Variants in CDH7 observed in about 807,000 individuals in gnomAD.
CDH7 encodes cadherin-7.
Under a neutral mutation model 71.8 loss-of-function variants are expected in CDH7, and 25 were observed. The ratio of observed to expected loss-of-function variants is 0.35; its 90% CI spans 0.25 to 0.49. The LOEUF (loss-of-function observed/expected upper bound fraction) is 0.49. Among genes scored for constraint, CDH7 ranks in the 20% least tolerant of loss-of-function variants. The probability of loss-of-function intolerance (pLI) is 0.99; values close to 1 mark genes in which losing one functional copy is unlikely to be tolerated. For synonymous variants in CDH7, 381 were observed against 363.8 expected (o/e 1.05, Z -0.54); for missense variants, 862 against 974.6 (o/e 0.88, Z 1.54).
rs200638796 is a variant in CDH7 at position 65,854,920 on chromosome 18, C to T, written c.1236-2896C>T. 6.2e-5 allele frequency among the ~76,000 whole-genome samples: 9 copies of T among 145,546 alleles called. No homozygotes were observed. The East Asian group carries it at 7.9e-4, about 13-fold the overall frequency. The stretch of plus-strand genomic sequence containing the variant: ...CGTATGTATGTAGTATATGTGTACA[C>T]ATATATATATATACACACACATATA... On this transcript the variant is annotated intron_variant, in intron 7 of 11. Transcript: ENST00000397968.
In CDH7 at chr18:65,793,100, C is replaced by A. The variant is rs149152141; in HGVS notation, c.211-16604C>A. 3.3e-5 allele frequency among the ~76,000 whole-genome samples: 5 copies of A among 152,156 alleles called. No homozygotes were observed. The East Asian group carries it at 9.7e-4, about 29-fold the overall frequency. On this transcript the variant is annotated intron_variant, in intron 2 of 11. Transcript: ENST00000397968. ...GTGCAGTGGGTGAGTTTCTCACTCT[C>A]CACCCCATGAAGTTTATGAAACATT...
At chr18:65,857,395 T>G (rs1913404402) in intron 7 of CDH7, among the ~76,000 whole-genome samples, 1 of 150,678 alleles carries the variant, frequency 6.6e-6, no homozygotes, top group Non-Finnish European at 1.5e-5. Context: ...ATGCCTCTAG[T>G]CCTAGCTACT....
At chr18:65,816,673 A>G (rs1911734571) in intron 4 of CDH7, among the ~76,000 whole-genome samples, 1 of 152,184 alleles carries the variant, frequency 6.6e-6, no homozygotes, top group Admixed American at 6.5e-5. Context: ...CACTGTTTAC[A>G]GGCTGAATGA....
intron 2 of CDH7, among the ~76,000 whole-genome samples, chr18:65,806,889 A>C (rs1911346397): frequency 6.6e-6 from 1 of 152,178 alleles, no homozygotes; most frequent in African/African-American, 2.4e-5. Context: ...GCCTCAGATA[A>C]TTATGTACCT....
intron 2 of CDH7, among the ~76,000 whole-genome samples, chr18:65,791,523 C>G (rs565490086): frequency 6.6e-6 from 1 of 152,152 alleles, no homozygotes; most frequent in African/African-American, 2.4e-5. Flanking sequence ...GTTTAATAAG[C>G]AGTAGAGTCA....
chr18:65,750,550 G>A (rs920992627), upstream of CDH7: 1 of 152,304 alleles, frequency 6.6e-6, no homozygotes, highest in Non-Finnish European at 1.5e-5. Context: ...CGCCAGGCGG[G>A]AGGTGGAGGA....
rs1297716099 is a variant in CDH7 at position 65,780,031 on chromosome 18, G to A, written c.210+16979G>A. On this transcript the variant is annotated intron_variant, in intron 2 of 11. Transcript: ENST00000397968. Reference sequence around the variant, plus strand: ...TGAGATTATATCTCATAGTGGTTTTGATTTGCATCTCTCTGATGGCCAGTG... The same window carrying A: ...TGAGATTATATCTCATAGTGGTTTTAATTTGCATCTCTCTGATGGCCAGTG... Among the ~76,000 whole-genome samples the A allele has an allele frequency of 1.8e-5, 2 of 110,454 alleles. 1 individual carries two copies. Among genetic ancestry groups the A allele is most frequent in the Non-Finnish European group, 3.4e-5 (2 of 59,626 alleles). The allele number at this position is 110,454 out of a possible 152,430, so 72.5% of individuals were successfully genotyped here. A position where few individuals can be genotyped will look rare whatever the true frequency, so the allele number is the denominator to read the frequency against.
intron 11 of CDH7, 129 bp downstream of exon 11, chr18:65,863,046 G>C (rs1913634774): frequency 1.8e-6 from 2 of 1,091,292 alleles, no homozygotes; most frequent in South Asian, 1.6e-5. Context: ...GTTTTGTTTT[G>C]TTTTTCTTTG....
chr18:65,794,171 G>GTTT (rs34950383), intron 2 of CDH7, among the ~76,000 whole-genome samples: 61 of 151,080 alleles, frequency 4.0e-4, no homozygotes, highest in South Asian at 1.7e-3. Flanking sequence ...ATAATACACA[G>GTTT]TTTTTTTTTC....
chr18:65,800,359 G>A lies in CDH7; in HGVS notation c.211-9345G>A, dbSNP rs191721622. ...CTCCCAGAGTGCTGGGATTACAGCC[G>A]TCAGCCACAGTGGCCAGCCAACTCT... On this transcript the variant is annotated intron_variant, in intron 2 of 11. Coordinates refer to ENST00000397968, the MANE Select transcript of CDH7 (RefSeq NM_004361.5). 3.3e-5 allele frequency among the ~76,000 whole-genome samples: 5 copies of A among 152,220 alleles called. No individual in the cohort carries two copies. The South Asian group carries it at 6.2e-4, about 19-fold the overall frequency.
chr18:65,774,270 A>G lies in CDH7; in HGVS notation c.210+11218A>G, dbSNP rs530054386. Reference sequence around the variant, plus strand: ...AAAAATAGGATTTGAGACTCAATATATATGATTAGAAATAACTAGTGAATA... The same window carrying G: ...AAAAATAGGATTTGAGACTCAATATGTATGATTAGAAATAACTAGTGAATA... On this transcript the variant is annotated intron_variant, in intron 2 of 11. Transcript: ENST00000397968. 2.0e-4 allele frequency among the ~76,000 whole-genome samples: 30 copies of G among 152,176 alleles called. No homozygotes were observed. In the South Asian group the frequency reaches 3.9e-3, roughly 20 times the overall value.
chr18:65,769,060 A>G (rs1916466987), intron 2 of CDH7, among the ~76,000 whole-genome samples: 1 of 152,148 alleles, frequency 6.6e-6, no homozygotes, highest in Non-Finnish European at 1.5e-5. Flanking sequence ...CAAGCAGGTA[A>G]TCCCATGGCA....
At chr18:65,820,706 G>A (rs1177307837) in intron 4 of CDH7, among the ~76,000 whole-genome samples, 2 of 152,096 alleles carry the variant, frequency 1.3e-5, no homozygotes, top group South Asian at 2.1e-4. Context: ...TTATTTATAG[G>A]CTCACTTATA....
chr18:65,803,136 A>G (rs1462928709), intron 2 of CDH7: 2 of 152,164 alleles, frequency 1.3e-5, no homozygotes, highest in East Asian at 1.9e-4. Flanking sequence ...TAACAGATGA[A>G]TAAACTGGGA....
intron 2 of CDH7, among the ~76,000 whole-genome samples, chr18:65,763,663 A>T (rs1916272036): frequency 6.6e-6 from 1 of 151,588 alleles, no homozygotes; most frequent in African/African-American, 2.4e-5. Context: ...CCTTTGGATT[A>T]AAAATGATCA....
At chr18:65,823,395 TTTTG>T (rs2143940257) in intron 5 of CDH7, among the ~76,000 whole-genome samples, 1 of 152,050 alleles carries the variant, frequency 6.6e-6, no homozygotes, top group East Asian at 1.9e-4. Context: ...ACTGCTTTCC[TTTTG>T]TTTAAGCCTA....
At chr18:65,855,349 A>G (rs1441222159) in intron 7 of CDH7, among the ~76,000 whole-genome samples, 1 of 105,002 alleles carries the variant, frequency 9.5e-6, no homozygotes, top group Admixed American at 1.1e-4. Context: ...AACATTGACA[A>G]AGGAAAAAAA....
intron 11 of CDH7, among the ~76,000 whole-genome samples, chr18:65,868,131 T>C (rs983627638): frequency 1.3e-5 from 2 of 152,214 alleles, no homozygotes; most frequent in East Asian, 1.9e-4. Flanking sequence ...TAGAACATAA[T>C]TGGCATAGCA....
rs140174290 is a variant in CDH7 at position 65,809,904 on chromosome 18, G to A, written c.411G>A (p.Ser137=). 2.3e-4 allele frequency: 379 copies of A among 1,613,814 alleles called. 1 individual carries two copies. Among genetic ancestry groups the A allele is most frequent in the Non-Finnish European group, 3.0e-4 (349 of 1,179,980 alleles). Residue 137 remains serine (S), a synonymous_variant, in exon 3 of 12, where the codon TCG becomes TCA. Coordinates refer to ENST00000397968, the MANE Select transcript of CDH7 (RefSeq NM_004361.5). ...RLTNKPVEPE[S]EFVIKIQDIN... The stretch of plus-strand genomic sequence containing the variant: ...CCAACAAACCCGTGGAGCCCGAGTC[G>A]GAGTTTGTCATCAAAATTCAGGATA...
Sources: gnomAD v4.1 joint callset for allele counts (sites outside exome capture counted in the v4.1 genomes callset) on GRCh38, gnomAD v4.1.1 for gene constraint, MANE v1.5 for transcripts, NCBI Gene and HGNC (gene_info 2026-07-23, HGNC 2026-07-21) for gene names.